SH2D4A: variants seen among roughly 807,000 people sequenced by gnomAD.
SH2D4A encodes the protein SH2 domain containing 4A.
Under a neutral mutation model 64.7 loss-of-function variants are expected in SH2D4A, and 70 were observed. That is an observed-to-expected ratio of 1.08 (90% CI 0.89 to 1.32). SH2D4A has a LOEUF of 1.32. Among genes scored for constraint, SH2D4A ranks in the 40% most tolerant of loss-of-function variants. SH2D4A has a pLI of 0.00. For missense variants in SH2D4A, 706 were observed against 540.1 expected (o/e 1.31, Z -3.04); for synonymous variants, 268 against 200.7 (o/e 1.34, Z -2.83).
chr8:19,364,917 C>T (rs11993340), intron 7 of SH2D4A, among the ~76,000 whole-genome samples: 6,150 of 152,240 alleles, frequency 0.04, 385 homozygotes, highest in African/African-American at 0.14. Flanking sequence ...TCTGGAAAAA[C>T]TGTAGAAAAG....
chr8:19,376,446 AC>A lies in SH2D4A; in HGVS notation c.1048+2789del, dbSNP rs563555893. Among the ~76,000 whole-genome samples the A allele has an allele frequency of 5.5e-3, 832 of 152,100 alleles. 8 individuals are homozygous for A. Among genetic ancestry groups the A allele is most frequent in the Admixed American group, 8.4e-3 (129 of 15,280 alleles). ...AGACCAGCCTGACCAATGGGGCAAA[AC>A]CCAATCTCTACTAAAAATACAAAAA... On this transcript the variant is annotated intron_variant, in intron 8 of 9. Coordinates refer to ENST00000265807, the MANE Select transcript of SH2D4A (RefSeq NM_022071.4).
intron 4 of SH2D4A, among the ~76,000 whole-genome samples, chr8:19,346,268 C>A (rs1282667451): frequency 6.6e-6 from 1 of 152,172 alleles, no homozygotes; most frequent in African/African-American, 2.4e-5. Context: ...GGAACCAGGC[C>A]ACATGGCAGG....
At chr8:19,382,704 G>A (rs1293087071) in intron 8 of SH2D4A, among the ~76,000 whole-genome samples, 1 of 151,970 alleles carries the variant, frequency 6.6e-6, no homozygotes, top group Non-Finnish European at 1.5e-5. Context: ...ATCTTTATTG[G>A]CCCACTGCTG....
chr8:19,362,747 A>C (rs770889349), intron 6 of SH2D4A, among the ~76,000 whole-genome samples: 1 of 152,166 alleles, frequency 6.6e-6, no homozygotes, highest in Non-Finnish European at 1.5e-5. Flanking sequence ...CTCAAAAACA[A>C]AACAAAACAA....
chr8:19,333,102 C>A lies in SH2D4A; in HGVS notation c.329C>A (p.Ala110Glu), dbSNP rs1249779303. The A allele has an allele frequency of 1.2e-6, 2 of 1,611,132 alleles. No homozygotes were observed. The highest frequency in any genetic ancestry group is 2.2e-5 in the East Asian group (1 of 44,862). ...GCCCGGCTGAAAGCAGAACAGGAGG[C>A]AGAAGAGCCCAGGTATGAGATCTGC... Reference protein sequence around the residue: ...ERARLKAEQEAEEPRKTHSEE... With the variant: ...ERARLKAEQEEEEPRKTHSEE... Residue 110 changes from alanine (A) to glutamate (E), a missense_variant, in exon 3 of 10, where the codon GCA (alanine) becomes GAA (glutamate). By Grantham distance (107) the Ala-to-Glu change is moderately radical. Transcript: ENST00000265807.
Position 19,317,299 on chromosome 8 carries a change from A to G in SH2D4A, c.-204-2045A>G, listed in dbSNP as rs533713174. Among the ~76,000 whole-genome samples the G allele has an allele frequency of 5.7e-5, 8 of 139,330 alleles. No homozygotes were observed. The East Asian group carries it at 1.4e-3, about 25-fold the overall frequency. 91.4% of individuals were successfully genotyped at this position (139,330 alleles called of 152,430 possible). A position where few individuals can be genotyped will look rare whatever the true frequency, so the allele number is the denominator to read the frequency against. On this transcript the variant is annotated intron_variant, in intron 1 of 9. Transcript: ENST00000265807. ...AAAAGTCAAGAAATCTTGACAAGACATCCATTTTTTTTTTTTTTTTTTTTT... is the reference window on the plus strand; with the variant it reads ...AAAAGTCAAGAAATCTTGACAAGACGTCCATTTTTTTTTTTTTTTTTTTTT...
intron 1 of SH2D4A, among the ~76,000 whole-genome samples, chr8:19,315,184 G>A (rs2052066006): frequency 1.3e-5 from 2 of 152,148 alleles, no homozygotes; most frequent in South Asian, 4.1e-4. Flanking sequence ...CACCCAGGCT[G>A]TGGTGCAGTG....
intron 7 of SH2D4A, among the ~76,000 whole-genome samples, chr8:19,369,281 A>G (rs1429237352): frequency 6.6e-6 from 1 of 152,056 alleles, no homozygotes; most frequent in Non-Finnish European, 1.5e-5. Context: ...CATCAGGAAT[A>G]TTGGCCTCTA....
At chr8:19,370,217 A>G (rs1373786265) in intron 7 of SH2D4A, among the ~76,000 whole-genome samples, 1 of 152,022 alleles carries the variant, frequency 6.6e-6, no homozygotes. Flanking sequence ...CTGTTGAGAT[A>G]CTGTGTATTC....
rs1369490087 is a variant in SH2D4A, at chr8:19,333,025, C to A, written c.252C>A (p.His84Gln). 6.2e-7 allele frequency: 1 copy of A among 1,614,026 alleles called. No individual in the cohort carries two copies. Residue 84 changes from histidine (H) to glutamine (Q), a missense_variant, in exon 3 of 10, where the codon CAC becomes CAA. Physicochemically the swap from His to Gln is conservative, Grantham distance 24. Transcript: ENST00000265807. Reference protein sequence around the residue: ...KEVWVWVMGEHHLDKPYDVLC... With the variant: ...KEVWVWVMGEQHLDKPYDVLC... ...TCTGGGTATGGGTGATGGGCGAACA[C>A]CATCTAGATAAACCCTATGATGTGC... is the stretch of plus-strand genomic sequence containing the variant.
At position 19,373,567 on chromosome 8, in the gene SH2D4A, C is replaced by T. The variant is rs560624372; in HGVS notation, c.955C>T (p.Gln319Ter). ...GGTGAGGACACTGTCCAGCTCTGCC[C>T]AAGAGGACATCATCCGGTGGTTTAA... ...GVVRTLSSSA[Q>*]EDIIRWFKEE... The change falls in exon 8 of 10, where the codon CAA (glutamine) becomes TAA (stop). Residue 319 changes from glutamine to a stop codon, truncating the protein, a stop_gained. Transcript: ENST00000265807. LOFTEE classifies it high-confidence loss of function. The T allele has an allele frequency of 5.6e-6, 9 of 1,613,012 alleles. 1 individual carries two copies. The South Asian group carries it at 9.9e-5, about 18-fold the overall frequency.
At chr8:19,333,193 CA>C in intron 3 of SH2D4A, 79 bp downstream of exon 3, 1 of 1,475,908 alleles carries the variant, frequency 6.8e-7, no homozygotes, top group East Asian at 2.3e-5. Context: ...CTCTTGCTCA[CA>C]GTATCAGGTG....
chr8:19,364,326 G>A, intron 7 of SH2D4A, 44 bp downstream of exon 7: 1 of 1,601,384 alleles, frequency 6.2e-7, no homozygotes, highest in Non-Finnish European at 8.5e-7. Context: ...CATTGCAATG[G>A]GCTTTGAATA....
chr8:19,335,065 C>T (rs372858602), intron 4 of SH2D4A, among the ~76,000 whole-genome samples: 7 of 151,934 alleles, frequency 4.6e-5, no homozygotes, highest in South Asian at 2.1e-4. Flanking sequence ...GGGCGGATCA[C>T]GAGGTCAGGA....
chr8:19,391,303 C>A (rs573177251), intron 8 of SH2D4A, among the ~76,000 whole-genome samples: 1 of 152,280 alleles, frequency 6.6e-6, no homozygotes, highest in South Asian at 2.1e-4. Context: ...TCTGTTGGAA[C>A]TTAGCCATGA....
intron 8 of SH2D4A, among the ~76,000 whole-genome samples, chr8:19,388,628 A>C (rs1346724782): frequency 6.6e-6 from 1 of 152,214 alleles, no homozygotes; most frequent in African/African-American, 2.4e-5. Context: ...TTTTCCAGAC[A>C]CAGGAAGTTG....
chr8:19,318,989 TTTTC>T (rs753321474), intron 1 of SH2D4A, among the ~76,000 whole-genome samples: 5 of 152,168 alleles, frequency 3.3e-5, no homozygotes, highest in Admixed American at 6.5e-5. Context: ...TGACTTTTTT[TTTTC>T]TTTCTTTTTT....
chr8:19,351,476 G>A lies in SH2D4A; in HGVS notation c.514-5727G>A, dbSNP rs534434327. Among the ~76,000 whole-genome samples, 5 of 152,098 alleles carry A rather than the reference G, an allele frequency of 3.3e-5. No individual in the cohort carries two copies. In the East Asian group the frequency reaches 5.8e-4, roughly 18 times the overall value. On this transcript the variant is annotated intron_variant, in intron 4 of 9. Transcript: ENST00000265807. ...AAATTAGCCAGGCGTGCTGGCAGGC[G>A]CCTGTAGTCCCAGCTACTCGGGAGG...
chr8:19,350,200 C>A (rs1268976283), intron 4 of SH2D4A, among the ~76,000 whole-genome samples: 1 of 152,076 alleles, frequency 6.6e-6, no homozygotes, highest in Non-Finnish European at 1.5e-5. Flanking sequence ...TTCATGGATC[C>A]TATTTCAGGC....
Sources: allele counts gnomAD v4.1 joint callset (sites outside exome capture counted in the v4.1 genomes callset), GRCh38; gene constraint gnomAD v4.1.1; transcripts MANE v1.5; gene names NCBI Gene and HGNC (gene_info 2026-07-23, HGNC 2026-07-21).